The following PLK5 variants were observed in gnomAD, a reference collection of about 807,000 sequenced individuals.
PLK5 encodes the protein inactive serine/threonine-protein kinase PLK5.
PLK5 carries 28 observed loss-of-function variants against 33.7 expected under a neutral mutation model. That is an observed-to-expected ratio of 0.83 (90% CI 0.62 to 1.14). The LOEUF is 1.14. Ranked by LOEUF, PLK5 falls within the 50% of genes most tolerant of loss-of-function variation. The pLI is 0.00. For missense variants in PLK5, 492 were observed against 461.5 expected (o/e 1.07, Z -0.61); for synonymous variants, 225 against 202.2 (o/e 1.11, Z -0.96).
At position 1,535,391 on chromosome 19, in the gene PLK5, T is replaced by A. The variant is rs539130852; in HGVS notation, c.*141T>A. On this transcript the variant is annotated 3_prime_UTR_variant, in exon 14 of 14. Coordinates refer to ENST00000454744, the MANE Select transcript of PLK5 (RefSeq NM_001243079.2). ...GGAGGTGGGTTCTTGCCTTGTGGCA[T>A]GACTGTTCAACCCAGACTTTGCTGG... 3 of 897,784 alleles carry A rather than the reference T, an allele frequency of 3.3e-6. No homozygotes were observed. Among genetic ancestry groups the A allele is most frequent in the African/African-American group, 3.5e-5 (2 of 57,056 alleles). 55.6% of individuals were successfully genotyped at this position (897,784 alleles called of 1,614,324 possible).
In PLK5 at chr19:1,528,984, C is replaced by G; in HGVS notation, c.405+10C>G. The G allele has an allele frequency of 2.7e-6, 4 of 1,500,514 alleles. No individual in the cohort carries two copies. In the South Asian group the frequency reaches 5.0e-5, roughly 19 times the overall value. 92.9% of individuals were successfully genotyped at this position (1,500,514 alleles called of 1,614,324 possible). A position where few individuals can be genotyped will look rare whatever the true frequency, so the allele number is the denominator to read the frequency against. On this transcript the variant is annotated intron_variant, in intron 9 of 13. Coordinates refer to ENST00000454744, the MANE Select transcript of PLK5 (RefSeq NM_001243079.2). ...GGAGTGGGACGGCGAGGTGAGACATCGGGGTGGGGGACACGGGGAGACACA... is the reference window on the plus strand; with the variant it reads ...GGAGTGGGACGGCGAGGTGAGACATGGGGGTGGGGGACACGGGGAGACACA...
At chr19:1,533,065 G>A (rs1913979552) in intron 12 of PLK5, among the ~76,000 whole-genome samples, 1 of 152,072 alleles carries the variant, frequency 6.6e-6, no homozygotes, top group Non-Finnish European at 1.5e-5. Context: ...GTCCCAGGAG[G>A]TCAAGGCTCC....
In PLK5 at chr19:1,535,136, G is replaced by A. The variant is rs1480456586; in HGVS notation, c.897G>A (p.Trp299Ter). Residue 299 changes from tryptophan (W) to a stop codon, truncating the protein, a stop_gained, in exon 14 of 14, where the codon TGG becomes TGA. Transcript: ENST00000454744. LOFTEE classifies it low-confidence loss of function (END_TRUNC). Reference sequence around the variant, plus strand: ...GTGAGGGTTTGCAGCTCACCCTCTGGGAGCAGGGGTCCCCTGGCACCTCCT... The same window carrying A: ...GTGAGGGTTTGCAGCTCACCCTCTGAGAGCAGGGGTCCCCTGGCACCTCCT... ...GEGEGLQLTLWEQGSPGTSYS... is the reference protein window; with the variant it reads ...GEGEGLQLTL 2.0e-6 allele frequency: 3 copies of A among 1,535,704 alleles called. No individual in the cohort carries two copies. The highest frequency in any genetic ancestry group is 1.7e-6 in the Non-Finnish European group (2 of 1,146,744).
At chr19:1,534,092 T>C (rs1599308304) in intron 13 of PLK5, 51 bp downstream of exon 13, 3 of 1,391,062 alleles carry the variant, frequency 2.2e-6, no homozygotes, top group Non-Finnish European at 2.9e-6. Context: ...GGGTGGGGTC[T>C]GGCCTGCCTG....
chr19:1,531,755 G>A lies in PLK5; in HGVS notation c.586G>A (p.Gly196Arg), dbSNP rs1913935652. ...GTGCCCAGCCACACAGGACCCCCTG[G>A]GAGAGCAGCAGCCCATCCTCTGGGC... The part of the protein sequence containing the change: ...VGPPATQDPL[G>R]EQQPILWAPK... Residue 196 changes from glycine (G) to arginine (R), a missense_variant, in exon 12 of 14, where the codon GGA (glycine) becomes AGA (arginine). Transcript: ENST00000454744. 3.9e-6 allele frequency: 6 copies of A among 1,536,454 alleles called. No homozygotes were observed. The highest frequency in any genetic ancestry group is 5.2e-6 in the Non-Finnish European group (6 of 1,147,048).
At position 1,528,109 on chromosome 19, in the gene PLK5, T is replaced by G; in HGVS notation, c.176T>G (p.Leu59Arg). The change falls in exon 7 of 14, where the codon CTG becomes CGG. Residue 59 changes from leucine (L) to arginine (R), a missense_variant. Coordinates refer to ENST00000454744, the MANE Select transcript of PLK5 (RefSeq NM_001243079.2). ...NPAERPSLDH[L>R]LQDDFFTQGF... Reference sequence around the variant, plus strand: ...GCCGAGCGGCCCAGCCTGGACCACCTGCTGCAGGACGACTTCTTCACACAG... The same window carrying G: ...GCCGAGCGGCCCAGCCTGGACCACCGGCTGCAGGACGACTTCTTCACACAG... The G allele has an allele frequency of 1.3e-6, 2 of 1,535,804 alleles. No individual in the cohort carries two copies. The highest frequency in any genetic ancestry group is 1.7e-6 in the Non-Finnish European group (2 of 1,146,714).
chr19:1,531,674 ATT>A (rs759387888), intron 11 of PLK5, 62 bp from the exon 12 acceptor site: 1 of 1,505,706 alleles, frequency 6.6e-7, no homozygotes, highest in Non-Finnish European at 8.8e-7. Context: ...CATCACATTT[ATT>A]GAGTGCCTAC....
chr19:1,529,891 C>T, intron 11 of PLK5, 67 bp downstream of exon 11: 1 of 1,450,762 alleles, frequency 6.9e-7, no homozygotes, highest in East Asian at 2.5e-5. Flanking sequence ...GCCTTCATTC[C>T]CATCCTGGGC....
intron 12 of PLK5, among the ~76,000 whole-genome samples, chr19:1,532,968 G>GTT (rs548769914): frequency 2.1e-5 from 3 of 144,682 alleles, no homozygotes; most frequent in Admixed American, 6.9e-5. Flanking sequence ...GCCTGGCCAA[G>GTT]TTTTTTTTTT....
At chr19:1,534,543 C>G (rs1359462581) in intron 13 of PLK5, among the ~76,000 whole-genome samples, 1 of 144,916 alleles carries the variant, frequency 6.9e-6, no homozygotes, top group African/African-American at 2.6e-5. Context: ...CGGTGGCTCA[C>G]GCCTGTAATC....
intron 10 of PLK5, 69 bp from the exon 11 acceptor site, chr19:1,529,678 G>A: frequency 6.8e-7 from 1 of 1,473,440 alleles, no homozygotes; most frequent in Non-Finnish European, 9.2e-7. Flanking sequence ...CGTGGGGAGG[G>A]GGACTGGTTG....
chr19:1,528,960 G>T lies in PLK5; in HGVS notation c.391G>T (p.Glu131Ter). The T allele has an allele frequency of 6.6e-7, 1 of 1,516,836 alleles. No individual in the cohort carries two copies. The highest frequency in any genetic ancestry group is 2.1e-5 in the Admixed American group (1 of 47,092). The allele number at this position is 1,516,836 out of a possible 1,614,324, so 94.0% of individuals were successfully genotyped here. ...AGGTGGGCCAGACCCTGACTCCATGGAGTGGGACGGCGAGGTGAGACATCG... is the reference window on the plus strand; with the variant it reads ...AGGTGGGCCAGACCCTGACTCCATGTAGTGGGACGGCGAGGTGAGACATCG... ...GEGGPDPDSM[E>*]WDGESSLSAK... The change falls in exon 9 of 14, where the codon GAG becomes TAG. Residue 131 changes from glutamate to a stop codon, truncating the protein, a stop_gained. Transcript: ENST00000454744. LOFTEE classifies it high-confidence loss of function.
In PLK5 at chr19:1,529,537, G is replaced by T. The variant is rs1346018684; in HGVS notation, c.490+47G>T. 7 of 1,508,468 alleles carry T rather than the reference G, an allele frequency of 4.6e-6. No homozygotes were observed. The Admixed American group carries it at 1.2e-4, about 25-fold the overall frequency. 93.4% of individuals were successfully genotyped at this position (1,508,468 alleles called of 1,614,324 possible). On this transcript the variant is annotated intron_variant, in intron 10 of 13. Coordinates refer to ENST00000454744, the MANE Select transcript of PLK5 (RefSeq NM_001243079.2). ...CCCGGGGCTGCAGGTGGGGAGGGAG[G>T]AATTACAAGTGACAGGGGGACCAAG...
At chr19:1,527,039 G>T in intron 6 of PLK5, 41 bp downstream of exon 6, 1 of 1,427,494 alleles carries the variant, frequency 7.0e-7, no homozygotes, top group South Asian at 1.3e-5. Flanking sequence ...GCCTCCGGGG[G>T]GGGCAGGTGT....
At chr19:1,531,996 C>T in intron 12 of PLK5, 113 bp downstream of exon 12, 4 of 1,202,084 alleles carry the variant, frequency 3.3e-6, no homozygotes, top group Non-Finnish European at 4.4e-6. Flanking sequence ...GTGCTCCCTG[C>T]CTGGTCGGGG....
Position 1,535,085 on chromosome 19 carries a change from G to A in PLK5, c.846G>A (p.Pro282=), listed in dbSNP as rs12984316. The A allele has an allele frequency of 0.23, 353,138 of 1,531,068 alleles. 48,990 individuals are homozygous for A. The highest frequency in any genetic ancestry group is 0.67 in the East Asian group (27,366 of 40,656). 94.8% of individuals were successfully genotyped at this position (1,531,068 alleles called of 1,614,324 possible). A position where few individuals can be genotyped will look rare whatever the true frequency, so the allele number is the denominator to read the frequency against. Residue 282 remains proline, a synonymous_variant, in exon 14 of 14, where the codon CCG becomes CCA. Transcript: ENST00000454744. ...TGCAGGTGAGCTTCAGTGGAGTCCC[G>A]GCCCAACTGGTGCTGAGTGGCGAGG... ...GMVQVSFSGV[P]AQLVLSGEGE...
chr19:1,532,471 T>G (rs1444556628), intron 12 of PLK5, among the ~76,000 whole-genome samples: 1 of 151,418 alleles, frequency 6.6e-6, no homozygotes, highest in African/African-American at 2.4e-5. Context: ...CCCAGCAGTT[T>G]GAGATCAGCC....
At chr19:1,529,537 G>A (rs1346018684) in intron 10 of PLK5, 47 bp downstream of exon 10, 2 of 1,508,590 alleles carry the variant, frequency 1.3e-6, no homozygotes, top group Non-Finnish European at 8.9e-7. Flanking sequence ...GGGGAGGGAG[G>A]AATTACAAGT....
intron 9 of PLK5, 57 bp downstream of exon 9, chr19:1,529,031 T>G: frequency 7.2e-7 from 1 of 1,389,942 alleles, no homozygotes; most frequent in Non-Finnish European, 9.5e-7. Flanking sequence ...TGCTGGCCCC[T>G]GCTAAAACCC....
Sources: gnomAD v4.1 joint callset for allele counts (sites outside exome capture counted in the v4.1 genomes callset) on GRCh38, gnomAD v4.1.1 for gene constraint, MANE v1.5 for transcripts, NCBI Gene and HGNC (gene_info 2026-07-23, HGNC 2026-07-21) for gene names.